WDR72: variants seen among roughly 807,000 people sequenced by gnomAD.
WDR72 encodes WD repeat domain 72.
In WDR72, 120 loss-of-function variants were observed where a neutral mutation model predicts 124.2. That is an observed-to-expected ratio of 0.97 (90% CI 0.83 to 1.12). WDR72 has a LOEUF of 1.12. Among genes scored for constraint, WDR72 ranks in the 50% most tolerant of loss-of-function variants. The pLI is 0.00. For missense variants in WDR72, 1,387 were observed against 1,278.8 expected, an observed-to-expected ratio of 1.08 and a Z score of -1.29; for synonymous variants, 452 against 441.7, an observed-to-expected ratio of 1.02 and a Z score of -0.29.
intron 14 of WDR72, among the ~76,000 whole-genome samples, chr15:53,648,852 G>T (rs1412148008): frequency 3.3e-5 from 5 of 151,906 alleles, no homozygotes; most frequent in Admixed American, 3.3e-4. Flanking sequence ...GCAACTGATT[G>T]ACAAGATCAA....
At chr15:53,720,709 T>C (rs2017853915) in intron 3 of WDR72, among the ~76,000 whole-genome samples, 1 of 152,206 alleles carries the variant, frequency 6.6e-6, no homozygotes, top group South Asian at 2.1e-4. Flanking sequence ...CCTTGGTAAA[T>C]AAACTGCTTT....
chr15:53,714,414 A>AGTAG lies in WDR72; in HGVS notation c.591+16_591+19dup. On this transcript the variant is annotated intron_variant, in intron 6 of 19. Coordinates refer to ENST00000360509, the MANE Select transcript of WDR72 (RefSeq NM_182758.4). ...ATGCTTGAAATTGTAAGGAAAAAAGAGTAGGGTTCCCAAGCCAACCTGAAT... is the reference window on the plus strand; with the variant it reads ...ATGCTTGAAATTGTAAGGAAAAAAGAGTAGGTAGGGTTCCCAAGCCAACCTGAAT... 1 of 1,601,628 alleles carries AGTAG rather than the reference A, an allele frequency of 6.2e-7. No individual in the cohort carries two copies. The highest frequency in any genetic ancestry group is 8.6e-7 in the Non-Finnish European group (1 of 1,168,752).
At chr15:53,545,200 G>A (rs865853173) in intron 18 of WDR72, among the ~76,000 whole-genome samples, 3 of 151,540 alleles carry the variant, frequency 2.0e-5, no homozygotes, top group African/African-American at 4.9e-5. Context: ...AGCCCGCATC[G>A]CCACGGGAAT....
chr15:53,609,048 T>G (rs1282735855), intron 17 of WDR72, among the ~76,000 whole-genome samples: 1 of 152,140 alleles, frequency 6.6e-6, no homozygotes, highest in Non-Finnish European at 1.5e-5. Context: ...AGGTTATGGA[T>G]ACCCCATTCT....
intron 7 of WDR72, among the ~76,000 whole-genome samples, chr15:53,712,460 G>A (rs2017567783): frequency 6.6e-6 from 1 of 152,110 alleles, no homozygotes; most frequent in South Asian, 2.1e-4. Flanking sequence ...GCCGGGCATG[G>A]TGGCATGCGC....
At chr15:53,725,570 T>C (rs1363181880) in intron 2 of WDR72, among the ~76,000 whole-genome samples, 1 of 152,154 alleles carries the variant, frequency 6.6e-6, no homozygotes, top group Admixed American at 6.5e-5. Context: ...ATCCTTCAAG[T>C]GGTGAACAGA....
chr15:53,692,706 C>T (rs2016881886), intron 13 of WDR72, among the ~76,000 whole-genome samples: 1 of 152,136 alleles, frequency 6.6e-6, no homozygotes, highest in Admixed American at 6.5e-5. Flanking sequence ...AACATACGCA[C>T]ATGCACAATA....
At chr15:53,636,798 G>T (rs549120348) in intron 14 of WDR72, among the ~76,000 whole-genome samples, 2 of 152,276 alleles carry the variant, frequency 1.3e-5, no homozygotes, top group South Asian at 2.1e-4. Flanking sequence ...ACGACTGGAA[G>T]AGGCAACTTT....
At chr15:53,528,726 G>A (rs1892259768) in intron 18 of WDR72, among the ~76,000 whole-genome samples, 1 of 152,008 alleles carries the variant, frequency 6.6e-6, no homozygotes, top group Non-Finnish European at 1.5e-5. Context: ...GGAAAAATCT[G>A]TCTATAGCAA....
intron 18 of WDR72, among the ~76,000 whole-genome samples, chr15:53,576,691 C>A (rs1205669382): frequency 6.6e-6 from 1 of 151,998 alleles, no homozygotes; most frequent in Non-Finnish European, 1.5e-5. Context: ...CCTATGGGAA[C>A]CTAGGGAAAA....
Position 53,516,755 on chromosome 15 carries a change from A to G in WDR72, c.*944T>C, listed in dbSNP as rs1891483197. 1 of 152,100 alleles carries G rather than the reference A, an allele frequency of 6.6e-6. No individual in the cohort carries two copies. Among genetic ancestry groups the G allele is most frequent in the African/African-American group, 2.4e-5 (1 of 41,444 alleles). The allele number at this position is 152,100 out of a possible 1,614,324, so 9.4% of individuals were successfully genotyped here. A position where few individuals can be genotyped will look rare whatever the true frequency, so the allele number is the denominator to read the frequency against. On this transcript the variant is annotated 3_prime_UTR_variant, in exon 20 of 20. Transcript: ENST00000360509. ...CAATATTTATATACATAAGATATGT[A>G]GATTAATAATTTTGATGATTTTCTG...
chr15:53,556,833 C>T (rs1349585389), intron 18 of WDR72, among the ~76,000 whole-genome samples: 2 of 152,148 alleles, frequency 1.3e-5, no homozygotes, highest in South Asian at 2.1e-4. Flanking sequence ...GAGTATAGCG[C>T]ATGCTGAGTA....
Position 53,619,383 on chromosome 15 carries a change from G to C in WDR72, c.1963-3140C>G, listed in dbSNP as rs182037912. Among the ~76,000 whole-genome samples, 580 of 151,764 alleles carry C rather than the reference G, an allele frequency of 3.8e-3. 2 individuals are homozygous for C. Among genetic ancestry groups the C allele is most frequent in the African/African-American group, 0.013 (556 of 41,414 alleles). ...TTAGTTTGTGAATACCAGGTATCCA[G>C]GGGTACTACCAAATAGGGCCCTCTT... On this transcript the variant is annotated intron_variant, in intron 14 of 19. Transcript: ENST00000360509.
intron 1 of WDR72, among the ~76,000 whole-genome samples, chr15:53,744,365 G>A (rs1309357696): frequency 6.6e-6 from 1 of 152,146 alleles, no homozygotes; most frequent in Admixed American, 6.5e-5. Flanking sequence ...AACCATTATT[G>A]AGCTCACAAA....
At chr15:53,635,153 A>T (rs1396095587) in intron 14 of WDR72, among the ~76,000 whole-genome samples, 2 of 152,228 alleles carry the variant, frequency 1.3e-5, no homozygotes, top group Non-Finnish European at 2.9e-5. Context: ...ACCAGTGAGA[A>T]GCACCTAGGG....
chr15:53,670,521 A>G (rs1201833649), intron 13 of WDR72, among the ~76,000 whole-genome samples: 1 of 152,184 alleles, frequency 6.6e-6, no homozygotes, highest in Non-Finnish European at 1.5e-5. Context: ...TGTTCTTTCT[A>G]TCTGTCCAGG....
At chr15:53,746,288 C>T (rs2018642458) in intron 1 of WDR72, among the ~76,000 whole-genome samples, 1 of 152,076 alleles carries the variant, frequency 6.6e-6, no homozygotes, top group African/African-American at 2.4e-5. Flanking sequence ...GTGGTGTCTA[C>T]TGGACACTGG....
At chr15:53,673,130 G>T (rs1595837742) in intron 13 of WDR72, among the ~76,000 whole-genome samples, 1 of 132,112 alleles carries the variant, frequency 7.6e-6, no homozygotes, top group Non-Finnish European at 1.5e-5. Flanking sequence ...CTCAAAAAAA[G>T]AAAAGAAAAG....
intron 14 of WDR72, among the ~76,000 whole-genome samples, chr15:53,657,793 T>G (rs1361278497): frequency 2.0e-5 from 3 of 152,200 alleles, no homozygotes; most frequent in Non-Finnish European, 4.4e-5. Flanking sequence ...ACCTTTTCTC[T>G]GGTAGAAATC....
Sources: allele counts gnomAD v4.1 joint callset (sites outside exome capture counted in the v4.1 genomes callset), GRCh38; gene constraint gnomAD v4.1.1; transcripts MANE v1.5; gene names NCBI Gene and HGNC (gene_info 2026-07-23, HGNC 2026-07-21).